Variants in SRGAP3 observed in about 807,000 individuals in gnomAD.
The protein encoded by SRGAP3 is SLIT-ROBO Rho GTPase activating protein 3, also known as SLIT-ROBO Rho GTPase-activating protein 3.
SRGAP3 carries 39 observed loss-of-function variants against 121.1 expected under a neutral mutation model. That is an observed-to-expected ratio of 0.32 (90% CI 0.25 to 0.42). The LOEUF (loss-of-function observed/expected upper bound fraction) is 0.42. Among genes scored for constraint, SRGAP3 ranks in the 10% least tolerant of loss-of-function variants. The pLI, the probability that SRGAP3 is intolerant of heterozygous loss-of-function variation, is 1.00. For missense variants in SRGAP3, 1,213 were observed against 1,470.6 expected (o/e 0.82, Z 2.86); for synonymous variants, 601 against 570.0 (o/e 1.05, Z -0.77).
intron 3 of SRGAP3, among the ~76,000 whole-genome samples, chr3:9,309,603 G>A (rs187148362): frequency 6.6e-6 from 1 of 152,316 alleles, no homozygotes; most frequent in Admixed American, 6.5e-5. Context: ...GCTCAGGGCT[G>A]TAATCCCAAC....
intron 13 of SRGAP3, among the ~76,000 whole-genome samples, chr3:9,025,616 T>C (rs1944158964): frequency 6.6e-6 from 1 of 152,232 alleles, no homozygotes; most frequent in Non-Finnish European, 1.5e-5. Context: ...TTTCCTTCCC[T>C]GTACACAGAC....
chr3:9,064,001 C>T (rs1479379234), intron 5 of SRGAP3, among the ~76,000 whole-genome samples: 1 of 152,200 alleles, frequency 6.6e-6, no homozygotes, highest in African/African-American at 2.4e-5. Flanking sequence ...CCACCTCACC[C>T]CCCGCCCCTA....
intron 1 of SRGAP3, among the ~76,000 whole-genome samples, chr3:9,232,959 T>C (rs1013655330): frequency 3.3e-5 from 5 of 152,230 alleles, no homozygotes; most frequent in Non-Finnish European, 5.9e-5. Flanking sequence ...CCACGTCTCC[T>C]GATGTCTTTT....
chr3:9,280,394 G>A (rs1342846550), intron 3 of SRGAP3, among the ~76,000 whole-genome samples: 2 of 152,228 alleles, frequency 1.3e-5, no homozygotes, highest in Admixed American at 6.5e-5. Flanking sequence ...ACCAGTTTGT[G>A]CCCACCTCCC....
chr3:9,194,297 C>T (rs992454427), intron 1 of SRGAP3: 5 of 151,852 alleles, frequency 3.3e-5, no homozygotes, highest in African/African-American at 1.2e-4. Context: ...AGCTGTGTGA[C>T]TGGACAAGTA....
chr3:9,099,183 G>A lies in SRGAP3; in HGVS notation c.423+5497C>T, dbSNP rs1029544544. On this transcript the variant is annotated intron_variant, in intron 3 of 21. Coordinates refer to ENST00000383836, the MANE Select transcript of SRGAP3 (RefSeq NM_014850.4). ...AAAATGCGATGGACATCTTCGAGGC[G>A]GGAACGAGAAAACTCACTCAAGACC... is the stretch of plus-strand genomic sequence containing the variant. Among the ~76,000 whole-genome samples, 5 of 152,158 alleles carry A rather than the reference G, an allele frequency of 3.3e-5. No individual in the cohort carries two copies. The East Asian group carries it at 5.8e-4, about 18-fold the overall frequency.
chr3:8,999,189 A>G (rs533616186), intron 18 of SRGAP3, among the ~76,000 whole-genome samples: 5 of 152,210 alleles, frequency 3.3e-5, no homozygotes, highest in Non-Finnish European at 7.3e-5. Flanking sequence ...AGACTGTCTC[A>G]GTAGGGGCCT....
At chr3:9,153,861 G>A (rs1950305519) in intron 1 of SRGAP3, among the ~76,000 whole-genome samples, 2 of 152,124 alleles carry the variant, frequency 1.3e-5, no homozygotes, top group African/African-American at 4.8e-5. Flanking sequence ...TGGCCCGACA[G>A]GCTGACTTTG....
intron 10 of SRGAP3, among the ~76,000 whole-genome samples, chr3:9,043,560 G>A (rs1313818300): frequency 6.6e-6 from 1 of 152,052 alleles, no homozygotes; most frequent in Non-Finnish European, 1.5e-5. Context: ...CTAATATGCT[G>A]TCTTTCAGCT....
At chr3:9,043,010 C>A (rs1031863635) in intron 10 of SRGAP3, among the ~76,000 whole-genome samples, 1 of 152,176 alleles carries the variant, frequency 6.6e-6, no homozygotes, top group Non-Finnish European at 1.5e-5. Context: ...TTAGTTTCAG[C>A]TGAAACAGCA....
chr3:9,289,060 C>T lies in SRGAP3; in HGVS notation n.442+36950G>A, dbSNP rs542440869. Among the ~76,000 whole-genome samples, 374 of 152,156 alleles carry T rather than the reference C, an allele frequency of 2.5e-3. 1 individual carries two copies. The highest frequency in any genetic ancestry group is 5.2e-3 in the South Asian group (25 of 4,814). On this transcript the variant is annotated intron_variant and non_coding_transcript_variant, in intron 3 of 3. Transcript: ENST00000490889. ...TACAGGCATGCGCCATCAAGCCTGG[C>T]TAATTTTTTGTATTTTTTAGTAGAG... is the stretch of plus-strand genomic sequence containing the variant.
intron 1 of SRGAP3, among the ~76,000 whole-genome samples, chr3:9,219,896 C>T (rs939599530): frequency 2.0e-5 from 3 of 152,078 alleles, no homozygotes; most frequent in Admixed American, 1.3e-4. Context: ...ATGGATGGAA[C>T]TGGAGGTCAT....
intron 1 of SRGAP3, among the ~76,000 whole-genome samples, chr3:9,357,742 C>A (rs1336344597): frequency 2.0e-5 from 3 of 152,148 alleles, no homozygotes; most frequent in Non-Finnish European, 4.4e-5. Context: ...TCATTATTTG[C>A]CTGGTAATGT....
chr3:9,174,899 G>A (rs1440147742), intron 1 of SRGAP3, among the ~76,000 whole-genome samples: 1 of 152,190 alleles, frequency 6.6e-6, no homozygotes, highest in African/African-American at 2.4e-5. Context: ...GGGAGTGACT[G>A]AGGCCCATGT....
rs1941426432 is a variant in SRGAP3, at chr3:8,981,757, G to A, written c.*3762C>T. ...GGTTCCAGCCGATAGCCAAAATATG[G>A]CTCAATTTCCCTGTGTCTCTTCCCA... On this transcript the variant is annotated 3_prime_UTR_variant, in exon 22 of 22. Coordinates refer to ENST00000383836, the MANE Select transcript of SRGAP3 (RefSeq NM_014850.4). 8.7e-6 allele frequency: 2 copies of A among 229,912 alleles called. No individual in the cohort carries two copies. Among genetic ancestry groups the A allele is most frequent in the Non-Finnish European group, 1.7e-5 (2 of 115,752 alleles). The allele number at this position is 229,912 out of a possible 1,614,324, so 14.2% of individuals were successfully genotyped here. A position where few individuals can be genotyped will look rare whatever the true frequency, so the allele number is the denominator to read the frequency against.
In SRGAP3 at chr3:9,114,753, C is replaced by A. The variant is rs145664399; in HGVS notation, c.261-9911G>T. Among the ~76,000 whole-genome samples, 9 of 152,362 alleles carry A rather than the reference C, an allele frequency of 5.9e-5. No homozygotes were observed. The East Asian group carries it at 1.7e-3, about 29-fold the overall frequency. On this transcript the variant is annotated intron_variant, in intron 2 of 21. Transcript: ENST00000383836. ...GTTTATCTGCCCACAGAATGGGTGG[C>A]ACCGTGTGGCATGTGTAGCACTAGG...
intron 3 of SRGAP3, among the ~76,000 whole-genome samples, chr3:9,276,138 C>T (rs1284344437): frequency 1.3e-5 from 2 of 152,178 alleles, no homozygotes; most frequent in African/African-American, 2.4e-5. Context: ...TAGTCAATGT[C>T]AAAACACAGA....
chr3:9,305,745 G>A (rs1384122294), intron 3 of SRGAP3, among the ~76,000 whole-genome samples: 3 of 151,994 alleles, frequency 2.0e-5, no homozygotes, highest in Admixed American at 6.6e-5. Flanking sequence ...GAACTCATCC[G>A]TTTTTAGGGC....
At chr3:8,987,287 A>G (rs1488754332) in intron 21 of SRGAP3, among the ~76,000 whole-genome samples, 1 of 152,176 alleles carries the variant, frequency 6.6e-6, no homozygotes, top group African/African-American at 2.4e-5. Flanking sequence ...GGCTCAGCTG[A>G]GCCACAGCCC....
Sources: allele counts gnomAD v4.1 joint callset (sites outside exome capture counted in the v4.1 genomes callset), GRCh38; gene constraint gnomAD v4.1.1; transcripts MANE v1.5; gene names NCBI Gene and HGNC (gene_info 2026-07-23, HGNC 2026-07-21).